The following SYNPR variants were observed in gnomAD, a reference collection of about 807,000 sequenced individuals.
SYNPR encodes the protein synaptoporin.
SYNPR carries 23 observed loss-of-function variants against 32.9 expected under a neutral mutation model. The ratio of observed to expected loss-of-function variants is 0.70; its 90% confidence interval spans 0.50 to 0.99. The LOEUF (loss-of-function observed/expected upper bound fraction) is 0.99, where lower values mean the gene tolerates loss of function less well. Among genes scored for constraint, SYNPR ranks in the 50% least tolerant of loss-of-function variants. The pLI, the probability that SYNPR is intolerant of heterozygous loss-of-function variation, is 0.00. For missense variants in SYNPR, 318 were observed against 349.3 expected (o/e 0.91, Z 0.71); for synonymous variants, 146 against 135.9 (o/e 1.07, Z -0.52).
At chr3:63,496,610 A>T (rs1169739058) in intron 3 of SYNPR, among the ~76,000 whole-genome samples, 1 of 152,210 alleles carries the variant, frequency 6.6e-6, no homozygotes, top group African/African-American at 2.4e-5. Flanking sequence ...TCAGGAAGAT[A>T]TGAAAGTGCC....
intron 2 of SYNPR, among the ~76,000 whole-genome samples, chr3:63,392,710 T>C (rs527742162): frequency 1.3e-5 from 2 of 152,206 alleles, no homozygotes; most frequent in African/African-American, 4.8e-5. Flanking sequence ...AAGGTGGTAA[T>C]GAGCTAGGCC....
At chr3:63,375,045 T>C (rs1477665390) in intron 2 of SYNPR, among the ~76,000 whole-genome samples, 10 of 152,142 alleles carry the variant, frequency 6.6e-5, no homozygotes, top group Non-Finnish European at 1.2e-4. Flanking sequence ...CCAGTTAGAA[T>C]AGCGATCATT....
At chr3:63,540,478 C>T (rs991078111) in intron 3 of SYNPR, among the ~76,000 whole-genome samples, 9 of 151,744 alleles carry the variant, frequency 5.9e-5, no homozygotes, top group Non-Finnish European at 4.4e-5. Context: ...GGGAAGGCTT[C>T]GTGGAGGAAA....
At chr3:63,412,407 A>T (rs190744511) in intron 2 of SYNPR, among the ~76,000 whole-genome samples, 150 of 152,326 alleles carry the variant, frequency 9.8e-4, no homozygotes, top group Admixed American at 2.4e-3. Context: ...TGGAACATTC[A>T]TCTATTTATT....
intron 1 of SYNPR, among the ~76,000 whole-genome samples, chr3:63,229,080 T>G (rs935407111): frequency 1.3e-5 from 2 of 152,210 alleles, no homozygotes; most frequent in Non-Finnish European, 1.5e-5. Context: ...GGTAGCATAG[T>G]AGAAATAGGT....
chr3:63,255,730 G>A (rs1049246743), intron 2 of SYNPR, among the ~76,000 whole-genome samples: 4 of 152,136 alleles, frequency 2.6e-5, no homozygotes, highest in Non-Finnish European at 5.9e-5. Context: ...CATCTCAATG[G>A]GAAGTGTCAG....
chr3:63,230,490 GA>G (rs2086158394), intron 1 of SYNPR, among the ~76,000 whole-genome samples: 1 of 152,178 alleles, frequency 6.6e-6, no homozygotes, highest in Admixed American at 6.5e-5. Flanking sequence ...ACCTTAAAGA[GA>G]AGATAGATGC....
intron 1 of SYNPR, among the ~76,000 whole-genome samples, chr3:63,246,439 T>G (rs774127507): frequency 2.6e-5 from 4 of 152,068 alleles, no homozygotes. Context: ...GCACTGGAGG[T>G]GCAGTGAACA....
At chr3:63,416,441 C>T (rs137939263) in intron 2 of SYNPR, among the ~76,000 whole-genome samples, 62 of 144,066 alleles carry the variant, frequency 4.3e-4, no homozygotes, top group African/African-American at 1.1e-3. Context: ...CTGAGGTGGG[C>T]GAATTGCTTG....
intron 2 of SYNPR, among the ~76,000 whole-genome samples, chr3:63,295,452 C>T (rs898897500): frequency 6.6e-6 from 1 of 152,110 alleles, no homozygotes; most frequent in African/African-American, 2.4e-5. Context: ...AAAGACCCTC[C>T]GTGGTTAACC....
chr3:63,326,248 A>G (rs1308762181), intron 2 of SYNPR, among the ~76,000 whole-genome samples: 1 of 152,078 alleles, frequency 6.6e-6, no homozygotes, highest in Non-Finnish European at 1.5e-5. Flanking sequence ...ATTGAAGTCA[A>G]TGGCAGTGTA....
intron 2 of SYNPR, among the ~76,000 whole-genome samples, chr3:63,389,732 C>A (rs767731261): frequency 2.6e-5 from 4 of 152,194 alleles, no homozygotes; most frequent in Non-Finnish European, 5.9e-5. Flanking sequence ...GTCAAGAACA[C>A]CTGGCATGTA....
rs531811230 is a variant in SYNPR at position 63,566,030 on chromosome 3, C to T, written c.408+9289C>T. ...CTCTGCTTTCTGATCTAGCTGACAT[C>T]CTAGAGAGAAAAATGCTGTCAACCT... On this transcript the variant is annotated intron_variant, in intron 4 of 5. Transcript: ENST00000478300. Among the ~76,000 whole-genome samples, 115 of 152,262 alleles carry T rather than the reference C, an allele frequency of 7.6e-4. 1 individual carries two copies. Among genetic ancestry groups the T allele is most frequent in the African/African-American group, 2.7e-3 (113 of 41,550 alleles).
chr3:63,494,476 T>TATACAC (rs1208627224), intron 3 of SYNPR, among the ~76,000 whole-genome samples: 2,472 of 115,332 alleles, frequency 0.021, 94 homozygotes, highest in Non-Finnish European at 0.03. Context: ...TACACATATA[T>TATACAC]ACATATATAT....
intron 2 of SYNPR, among the ~76,000 whole-genome samples, chr3:63,356,415 A>G (rs2087578277): frequency 6.6e-6 from 1 of 152,242 alleles, no homozygotes; most frequent in African/African-American, 2.4e-5. Context: ...GTTAGACAGT[A>G]TGGTAAGTGC....
rs74846563 is a variant in SYNPR, at chr3:63,400,117, T to C, written c.85-80715T>C. Among the ~76,000 whole-genome samples the C allele has an allele frequency of 9.3e-4, 141 of 152,356 alleles. 1 individual carries two copies. The East Asian group carries it at 0.025, about 27-fold the overall frequency. Reference sequence around the variant, plus strand: ...TATAGATGCACAAAGAAAAGAATGCTGATATTTGTATGAAAATAAGATTTT... The same window carrying C: ...TATAGATGCACAAAGAAAAGAATGCCGATATTTGTATGAAAATAAGATTTT... On this transcript the variant is annotated intron_variant, in intron 2 of 5. Coordinates refer to ENST00000478300, the MANE Select transcript of SYNPR (RefSeq NM_001130003.2).
Position 63,442,232 on chromosome 3 carries a change from A to G in SYNPR, c.85-38600A>G, listed in dbSNP as rs115412305. Reference sequence around the variant, plus strand: ...GAGAAGGAGACAGAGATACAAAGAGACAGAGATAGGAAGGAAAGCGAGAGA... The same window carrying G: ...GAGAAGGAGACAGAGATACAAAGAGGCAGAGATAGGAAGGAAAGCGAGAGA... On this transcript the variant is annotated intron_variant, in intron 2 of 5. Transcript: ENST00000478300. Among the ~76,000 whole-genome samples the G allele has an allele frequency of 4.3e-3, 637 of 147,248 alleles. 6 individuals carry two copies. The highest frequency in any genetic ancestry group is 0.016 in the African/African-American group (617 of 39,296).
intron 2 of SYNPR, among the ~76,000 whole-genome samples, chr3:63,337,232 C>A (rs1457281029): frequency 6.3e-4 from 35 of 55,476 alleles, no homozygotes; most frequent in South Asian, 1.0e-3. Flanking sequence ...ACTCTGTCTC[C>A]AAAAAAAAAA....
intron 2 of SYNPR, among the ~76,000 whole-genome samples, chr3:63,470,055 A>G (rs1700766519): frequency 6.6e-6 from 1 of 152,224 alleles, no homozygotes; most frequent in Non-Finnish European, 1.5e-5. Flanking sequence ...GCTTATTGGA[A>G]GACATTGCAA....
Sources: gnomAD v4.1 joint callset for allele counts (sites outside exome capture counted in the v4.1 genomes callset) on GRCh38, gnomAD v4.1.1 for gene constraint, MANE v1.5 for transcripts, NCBI Gene and HGNC (gene_info 2026-07-23, HGNC 2026-07-21) for gene names.